Variants in TAB2 observed in about 807,000 individuals in gnomAD.
TAB2 encodes TGF-beta activated kinase 1 (MAP3K7) binding protein 2, also known as TGF-beta-activated kinase 1 and MAP3K7-binding protein 2.
TAB2 carries 3 observed loss-of-function variants against 65.0 expected under a neutral mutation model. That is an observed-to-expected ratio of 0.05 (90% CI 0.02 to 0.12). TAB2 has a LOEUF of 0.12. Ranked by LOEUF, TAB2 falls within the 10% of genes least tolerant of loss-of-function variation. The pLI, the probability that TAB2 is intolerant of heterozygous loss-of-function variation, is 1.00. For synonymous variants in TAB2, 298 were observed against 285.1 expected (o/e 1.05, Z -0.46); for missense variants, 623 against 840.3 (o/e 0.74, Z 3.20).
intron 1 of TAB2, among the ~76,000 whole-genome samples, chr6:149,235,917 C>A (rs1179771018): frequency 6.6e-6 from 1 of 152,204 alleles, no homozygotes; most frequent in African/African-American, 2.4e-5. Flanking sequence ...CCCAGGCTGG[C>A]TCTAGTGGAA....
chr6:149,292,105 T>G (rs1054579745), intron 1 of TAB2, among the ~76,000 whole-genome samples: 1 of 152,140 alleles, frequency 6.6e-6, no homozygotes, highest in Non-Finnish European at 1.5e-5. Context: ...ATGAGAAACT[T>G]CATAAAGGAG....
intron 1 of TAB2, among the ~76,000 whole-genome samples, chr6:149,360,986 G>T (rs1261337673): frequency 1.3e-5 from 2 of 152,196 alleles, no homozygotes; most frequent in African/African-American, 4.8e-5. Context: ...CCTTTGAGCA[G>T]CCCTGCCTGT....
Position 149,378,212 on chromosome 6 carries a change from A to G in TAB2, c.297A>G (p.Gly99=), listed in dbSNP as rs893206762. Reference sequence around the variant, plus strand: ...GAAGAGAAGGAAGTAGGATGAATGGAAGTAGGACTCTAACGCACAGCATTA... The same window carrying G: ...GAAGAGAAGGAAGTAGGATGAATGGGAGTAGGACTCTAACGCACAGCATTA... ...HHGREGSRMN[G]SRTLTHSISD... The change falls in exon 3 of 7, where the codon GGA becomes GGG. Residue 99 remains glycine (G), a synonymous_variant. Coordinates refer to ENST00000637181, the MANE Select transcript of TAB2 (RefSeq NM_001292034.3). 7.4e-6 allele frequency: 12 copies of G among 1,614,112 alleles called. No individual in the cohort carries two copies. The African/African-American group carries it at 1.6e-4, about 22-fold the overall frequency.
chr6:149,359,175 T>C (rs1041555321), intron 1 of TAB2, among the ~76,000 whole-genome samples: 1 of 152,194 alleles, frequency 6.6e-6, no homozygotes, highest in East Asian at 1.9e-4. Context: ...GAATTTTATT[T>C]AACATGAGCT....
chr6:149,286,010 A>C lies in TAB2; in HGVS notation c.-121+67234A>C, dbSNP rs140325927. On this transcript the variant is annotated intron_variant, in intron 1 of 1. Transcript: ENST00000606202. ...CTAAATTTTACTTTTATTTCCAGGGAAAGAAAAGGACCACAAATATATTTT... is the reference window on the plus strand; with the variant it reads ...CTAAATTTTACTTTTATTTCCAGGGCAAGAAAAGGACCACAAATATATTTT... 2.0e-5 allele frequency among the ~76,000 whole-genome samples: 3 copies of C among 152,304 alleles called. No homozygotes were observed. In the East Asian group the frequency reaches 5.8e-4, roughly 29 times the overall value.
upstream of TAB2, among the ~76,000 whole-genome samples, chr6:149,316,697 T>A (rs546200853): frequency 1.2e-3 from 178 of 152,104 alleles, 2 homozygotes; most frequent in Non-Finnish European, 1.2e-3. Context: ...AGGCCCCCCC[T>A]CTTCCCGCAA....
chr6:149,217,933 G>T (rs1301514165), upstream of TAB2: 2 of 152,002 alleles, frequency 1.3e-5, no homozygotes, highest in African/African-American at 4.8e-5. Flanking sequence ...CTCCTTTCTG[G>T]AGTCTGAAAT....
chr6:149,405,055 C>T (rs923308936), intron 6 of TAB2, among the ~76,000 whole-genome samples: 1 of 152,086 alleles, frequency 6.6e-6, no homozygotes, highest in Non-Finnish European at 1.5e-5. Flanking sequence ...GGAACTCATG[C>T]AAATCAATAG....
chr6:149,294,948 G>A (rs889654716), intron 1 of TAB2, among the ~76,000 whole-genome samples: 35 of 152,166 alleles, frequency 2.3e-4, no homozygotes, highest in African/African-American at 7.7e-4. Flanking sequence ...CACTTTTAGT[G>A]TGAAATATAA....
chr6:149,379,868 T>C, intron 3 of TAB2: 1 of 453,302 alleles, frequency 2.2e-6, no homozygotes, highest in South Asian at 1.6e-5. Flanking sequence ...TTCCTAGAAA[T>C]AACGTTTTAA....
chr6:149,355,699 C>T (rs181080525), intron 1 of TAB2, among the ~76,000 whole-genome samples: 5 of 151,094 alleles, frequency 3.3e-5, no homozygotes, highest in South Asian at 2.1e-4. Context: ...GTTAAACTTA[C>T]GTTGAATTAC....
intron 2 of TAB2, among the ~76,000 whole-genome samples, chr6:149,375,808 T>C (rs756511975): frequency 6.6e-6 from 1 of 152,182 alleles, no homozygotes; most frequent in Non-Finnish European, 1.5e-5. Flanking sequence ...AAAATTAGTA[T>C]GTATCAATTA....
At chr6:149,232,579 G>A (rs1194293189) in intron 1 of TAB2, among the ~76,000 whole-genome samples, 1 of 152,150 alleles carries the variant, frequency 6.6e-6, no homozygotes, top group Non-Finnish European at 1.5e-5. Context: ...CAGTGTCACT[G>A]AGGCAGGAAC....
chr6:149,286,573 A>G (rs1778679917), intron 1 of TAB2, among the ~76,000 whole-genome samples: 1 of 152,216 alleles, frequency 6.6e-6, no homozygotes, highest in African/African-American at 2.4e-5. Context: ...GCTTTGACTC[A>G]TTAATTCATC....
At chr6:149,297,094 C>A (rs1396416031) in intron 1 of TAB2, among the ~76,000 whole-genome samples, 1 of 151,646 alleles carries the variant, frequency 6.6e-6, no homozygotes, top group Non-Finnish European at 1.5e-5. Flanking sequence ...CTCCTCCCTC[C>A]TTCCTTCCCT....
At chr6:149,276,902 C>T (rs1267263022) in intron 1 of TAB2, among the ~76,000 whole-genome samples, 3 of 152,174 alleles carry the variant, frequency 2.0e-5, no homozygotes, top group South Asian at 2.1e-4. Context: ...ATAATTCCCA[C>T]GTGTTGTGGG....
intron 1 of TAB2, among the ~76,000 whole-genome samples, chr6:149,324,946 G>A (rs866748267): frequency 1.5e-4 from 23 of 151,258 alleles, no homozygotes; most frequent in African/African-American, 4.6e-4. Context: ...ACAAGTGTGC[G>A]CAACTACATC....
At chr6:149,334,676 TAAAA>T (rs944087167) in intron 1 of TAB2, among the ~76,000 whole-genome samples, 4 of 138,378 alleles carry the variant, frequency 2.9e-5, no homozygotes, top group African/African-American at 5.3e-5. Context: ...CCTTGTCTCT[TAAAA>T]AAAAAAAAAA....
intron 2 of TAB2, chr6:149,372,284 A>T (rs1490970661): frequency 2.0e-5 from 3 of 152,228 alleles, no homozygotes; most frequent in Non-Finnish European, 4.4e-5. Context: ...AGAGCAAGAC[A>T]AATAAATATT....
Sources: allele counts gnomAD v4.1 joint callset (sites outside exome capture counted in the v4.1 genomes callset), GRCh38; gene constraint gnomAD v4.1.1; transcripts MANE v1.5; gene names NCBI Gene and HGNC (gene_info 2026-07-23, HGNC 2026-07-21).